CCDC144A: variants seen among roughly 807,000 people sequenced by gnomAD.
CCDC144A encodes coiled-coil domain containing 144A.
CCDC144A carries 41 observed loss-of-function variants against 143.8 expected under a neutral mutation model. The ratio of observed to expected loss-of-function variants is 0.29; its 90% CI spans 0.22 to 0.37. The LOEUF is 0.37. CCDC144A is among the 10% of genes least tolerant of loss of function. The pLI is 1.00. For missense variants in CCDC144A, 637 were observed against 1,488.8 expected (o/e 0.43, Z 9.41); for synonymous variants, 242 against 517.9 (o/e 0.47, Z 7.23).
At position 16,690,423 on chromosome 17, in the gene CCDC144A, A is replaced by G. The variant is rs557850602; in HGVS notation, c.23A>G (p.Lys8Arg). 1.6e-5 allele frequency: 25 copies of G among 1,582,510 alleles called. No individual in the cohort carries two copies. The East Asian group carries it at 5.4e-4, about 34-fold the overall frequency. The stretch of plus-strand genomic sequence containing the variant: ...CTGATGGCCTCCTGGGGTGGAGAAA[A>G]GCGGGGAGGGGCTGAGGGGTCTCCG... MASWGGE[K>R]RGGAEGSPKP... The change falls in exon 1 of 17, where the codon AAG becomes AGG. Residue 8 changes from lysine to arginine, a missense_variant. By Grantham distance (26) the Lys-to-Arg change is conservative. Coordinates refer to ENST00000399273, the MANE Select transcript of CCDC144A (RefSeq NM_001382000.1).
chr17:16,700,378 C>T lies in CCDC144A; in HGVS notation c.416-4773C>T, dbSNP rs547493204. Reference sequence around the variant, plus strand: ...GTCACATAGGCCACCTCTCCTCTCCCTCACATGTAACAAAACTCTAGACTC... The same window carrying T: ...GTCACATAGGCCACCTCTCCTCTCCTTCACATGTAACAAAACTCTAGACTC... On this transcript the variant is annotated intron_variant, in intron 2 of 16. Coordinates refer to ENST00000399273, the MANE Select transcript of CCDC144A (RefSeq NM_001382000.1). 2.6e-5 allele frequency among the ~76,000 whole-genome samples: 4 copies of T among 152,306 alleles called. No individual in the cohort carries two copies. In the South Asian group the frequency reaches 6.2e-4, roughly 24 times the overall value.
At chr17:16,773,181 G>T (rs1189578156) in intron 16 of CCDC144A, among the ~76,000 whole-genome samples, 6 of 151,888 alleles carry the variant, frequency 4.0e-5, no homozygotes, top group African/African-American at 1.5e-4. Context: ...AGGCATGTTG[G>T]CTCACGTTTG....
upstream of CCDC144A, among the ~76,000 whole-genome samples, chr17:16,685,745 G>A (rs1910754907): frequency 6.6e-6 from 1 of 152,064 alleles, no homozygotes; most frequent in African/African-American, 2.4e-5. Flanking sequence ...AGTGTTTTCT[G>A]TGATTGGTTC....
chr17:16,666,933 G>T, the CCDC144A span: 4 of 152,534 alleles, frequency 2.6e-5, no homozygotes, highest in Non-Finnish European at 4.4e-5. Flanking sequence ...ACTCCTGGTG[G>T]GTGATGGCGC....
At chr17:16,758,770 T>A in intron 12 of CCDC144A, among the ~76,000 whole-genome samples, 1 of 152,166 alleles carries the variant, frequency 6.6e-6, no homozygotes, top group Non-Finnish European at 1.5e-5. Flanking sequence ...CTAAGGCCTC[T>A]TTTCATTTTT....
At chr17:16,734,156 A>G (rs1415013371) in intron 11 of CCDC144A, among the ~76,000 whole-genome samples, 1 of 151,926 alleles carries the variant, frequency 6.6e-6, no homozygotes, top group Non-Finnish European at 1.5e-5. Flanking sequence ...AAAAAAAAAA[A>G]AAGCCTAATA....
At chr17:16,768,075 T>G (rs987972418) in intron 15 of CCDC144A, among the ~76,000 whole-genome samples, 8 of 152,284 alleles carry the variant, frequency 5.3e-5, no homozygotes, top group African/African-American at 1.9e-4. Flanking sequence ...TACATGTAAG[T>G]GTGCATTCGT....
chr17:16,685,297 G>A (rs555416513), upstream of CCDC144A, among the ~76,000 whole-genome samples: 108 of 152,242 alleles, frequency 7.1e-4, no homozygotes, highest in Admixed American at 1.8e-3. Context: ...AAAGTGCTGG[G>A]ATTACATTTG....
the CCDC144A span, among the ~76,000 whole-genome samples, chr17:16,679,884 A>C: frequency 7.9e-5 from 12 of 152,210 alleles, no homozygotes; most frequent in African/African-American, 2.9e-4. Context: ...AATTAATCTA[A>C]CTTACATTAA....
chr17:16,681,933 CTG>C, the CCDC144A span, among the ~76,000 whole-genome samples: 4 of 150,460 alleles, frequency 2.7e-5, 1 homozygote, highest in Admixed American at 1.3e-4. Flanking sequence ...TGTGTAGAGA[CTG>C]GAATGAAAAA....
intron 15 of CCDC144A, chr17:16,765,741 C>G (rs1471616826): frequency 6.6e-6 from 1 of 151,554 alleles, no homozygotes; most frequent in Middle Eastern, 3.2e-3. Flanking sequence ...GCCCAGCTAG[C>G]TGATATTTTT....
At chr17:16,770,304 C>T (rs1352525670) in intron 15 of CCDC144A, among the ~76,000 whole-genome samples, 2 of 152,126 alleles carry the variant, frequency 1.3e-5, no homozygotes, top group Non-Finnish European at 2.9e-5. Flanking sequence ...CGCCCACCAC[C>T]ATGCCCGGCT....
At chr17:16,748,848 A>ATATTC (rs1443271705) in intron 12 of CCDC144A, among the ~76,000 whole-genome samples, 1 of 151,928 alleles carries the variant, frequency 6.6e-6, no homozygotes, top group Admixed American at 6.6e-5. Flanking sequence ...TTTCTCCTAG[A>ATATTC]TATTCTAGTT....
chr17:16,668,781 C>G, the CCDC144A span, among the ~76,000 whole-genome samples: 1 of 152,108 alleles, frequency 6.6e-6, no homozygotes, highest in South Asian at 2.1e-4. Flanking sequence ...TTTTTCACAG[C>G]CTTGGAGGCT....
intron 8 of CCDC144A, among the ~76,000 whole-genome samples, chr17:16,724,613 T>C: frequency 6.6e-6 from 1 of 151,642 alleles, no homozygotes; most frequent in Non-Finnish European, 1.5e-5. Flanking sequence ...TCAAGTGTGC[T>C]CCATTCTTGC....
In CCDC144A at chr17:16,746,271, C is replaced by CTCTCTT. The variant is rs370181880; in HGVS notation, c.3372+10629_3372+10630insCTCTTT. On this transcript the variant is annotated intron_variant, in intron 12 of 16. Transcript: ENST00000399273. ...CTTCTGTTTATCTGTCTCTCTCTCT[C>CTCTCTT]TTTTTTTTTTTTTTTGCATCTTTCT... The CTCTCTT allele has an allele frequency of 1.9e-4, 152 of 779,966 alleles. No individual in the cohort carries two copies. The African/African-American group carries it at 3.0e-3, about 16-fold the overall frequency. 48.3% of individuals were successfully genotyped at this position (779,966 alleles called of 1,614,324 possible). A position where few individuals can be genotyped will look rare whatever the true frequency, so the allele number is the denominator to read the frequency against.
intron 1 of CCDC144A, 23 bp downstream of exon 1, chr17:16,690,767 G>C (rs1164197374): frequency 6.3e-7 from 1 of 1,578,538 alleles, no homozygotes; most frequent in Admixed American, 1.7e-5. Flanking sequence ...CGAAGGATGC[G>C]CCGTCCTGTC....
intron 12 of CCDC144A, chr17:16,746,773 C>T: frequency 2.5e-6 from 4 of 1,591,270 alleles, no homozygotes; most frequent in Non-Finnish European, 3.4e-6. Context: ...GCGGGGAGCG[C>T]GCGGCCGTTC....
intron 12 of CCDC144A, among the ~76,000 whole-genome samples, chr17:16,752,402 G>A (rs1445101703): frequency 6.6e-6 from 1 of 152,202 alleles, no homozygotes; most frequent in African/African-American, 2.4e-5. Flanking sequence ...TGCAGAGGGA[G>A]CACACCCGGC....
Sources: gnomAD v4.1 joint callset for allele counts (sites outside exome capture counted in the v4.1 genomes callset) on GRCh38, gnomAD v4.1.1 for gene constraint, MANE v1.5 for transcripts, NCBI Gene and HGNC (gene_info 2026-07-23, HGNC 2026-07-21) for gene names.